Variants in SLC35F4 observed in about 807,000 individuals in gnomAD.
SLC35F4 encodes chromosome 14 open reading frame 36.
In SLC35F4, 24 loss-of-function variants were observed where a neutral mutation model predicts 44.2. That is an observed-to-expected ratio of 0.54 (90% CI 0.39 to 0.76). The LOEUF is 0.76. SLC35F4 is among the 30% of genes least tolerant of loss of function. SLC35F4 has a pLI of 0.00. For missense variants in SLC35F4, 562 were observed against 586.1 expected, an observed-to-expected ratio of 0.96 and a Z score of 0.42; for synonymous variants, 238 against 223.6, an observed-to-expected ratio of 1.06 and a Z score of -0.57.
chr14:57,574,887 T>C (rs2068700328), intron 4 of SLC35F4, among the ~76,000 whole-genome samples: 1 of 152,070 alleles, frequency 6.6e-6, no homozygotes, highest in East Asian at 1.9e-4. Flanking sequence ...AAAGAGGGAT[T>C]AATACTCTGT....
chr14:57,769,677 A>G (rs2077315265), intron 1 of SLC35F4, among the ~76,000 whole-genome samples: 2 of 152,248 alleles, frequency 1.3e-5, no homozygotes, highest in African/African-American at 4.8e-5. Context: ...CAGTGCTAGA[A>G]GAGCCACATC....
chr14:57,656,486 C>T (rs2073978656), intron 1 of SLC35F4, among the ~76,000 whole-genome samples: 2 of 151,822 alleles, frequency 1.3e-5, no homozygotes, highest in South Asian at 4.2e-4. Context: ...AGATTATTTG[C>T]ATGTAAAAAT....
chr14:57,802,100 T>C (rs1198018415), intron 1 of SLC35F4, among the ~76,000 whole-genome samples: 1 of 152,146 alleles, frequency 6.6e-6, no homozygotes, highest in Admixed American at 6.6e-5. Context: ...CCTCAGCAAA[T>C]GCAAAAGAAC....
intron 1 of SLC35F4, among the ~76,000 whole-genome samples, chr14:57,680,001 G>A (rs1275093699): frequency 2.6e-5 from 4 of 152,014 alleles, no homozygotes; most frequent in Non-Finnish European, 5.9e-5. Context: ...GAAAAGGAGG[G>A]AATCCTCCCT....
chr14:57,688,681 A>G (rs569436963), intron 1 of SLC35F4, among the ~76,000 whole-genome samples: 2 of 152,264 alleles, frequency 1.3e-5, no homozygotes, highest in South Asian at 2.1e-4. Context: ...GGTGAGAACA[A>G]TTCTATCTAG....
intron 5 of SLC35F4, among the ~76,000 whole-genome samples, chr14:57,571,518 T>A (rs2068503926): frequency 6.6e-6 from 1 of 152,236 alleles, no homozygotes; most frequent in Admixed American, 6.5e-5. Flanking sequence ...GCCTTTCTAA[T>A]GTTCCTGCTA....
chr14:57,873,999 A>G (rs115737356), intron 1 of SLC35F4, among the ~76,000 whole-genome samples: 243 of 152,328 alleles, frequency 1.6e-3, no homozygotes, highest in African/African-American at 5.6e-3. Flanking sequence ...GTAAAATCTC[A>G]AAGTAGCCCT....
intron 1 of SLC35F4, among the ~76,000 whole-genome samples, chr14:57,963,033 C>T (rs1001392517): frequency 2.6e-5 from 4 of 152,086 alleles, no homozygotes; most frequent in Non-Finnish European, 5.9e-5. Flanking sequence ...ACCAGGGTAA[C>T]CCAGGTTGCA....
chr14:57,645,829 T>C (rs1184405821), intron 1 of SLC35F4, among the ~76,000 whole-genome samples: 2 of 151,652 alleles, frequency 1.3e-5, no homozygotes, highest in Non-Finnish European at 2.9e-5. Context: ...GTTTTTAGCA[T>C]GAAGGGCAGT....
At chr14:57,798,002 G>A (rs981411906) in intron 1 of SLC35F4, among the ~76,000 whole-genome samples, 6 of 151,148 alleles carry the variant, frequency 4.0e-5, no homozygotes, top group Non-Finnish European at 8.8e-5. Flanking sequence ...ACAATAGGTC[G>A]TCACTCATCA....
At chr14:57,892,371 C>T (rs993014180) in intron 1 of SLC35F4, among the ~76,000 whole-genome samples, 2 of 152,190 alleles carry the variant, frequency 1.3e-5, no homozygotes, top group Non-Finnish European at 2.9e-5. Context: ...ATCCTTTCCA[C>T]ATTGTCTCCC....
chr14:57,768,972 C>G (rs1381171927), intron 1 of SLC35F4, among the ~76,000 whole-genome samples: 4 of 152,126 alleles, frequency 2.6e-5, no homozygotes. Context: ...AGGCTGGTCT[C>G]AAACTCCCAA....
upstream of SLC35F4, among the ~76,000 whole-genome samples, chr14:57,869,216 A>G (rs550121830): frequency 5.3e-5 from 8 of 152,100 alleles, no homozygotes; most frequent in South Asian, 1.7e-3. Flanking sequence ...TTTTTTAAAA[A>G]AAGCCAAATC....
intron 1 of SLC35F4, among the ~76,000 whole-genome samples, chr14:57,854,312 T>C (rs1449105892): frequency 6.6e-6 from 1 of 152,150 alleles, no homozygotes; most frequent in African/African-American, 2.4e-5. Flanking sequence ...TTAAATGCTT[T>C]ATAATTTTTA....
At chr14:57,584,972 T>A (rs2069584751) in intron 3 of SLC35F4, among the ~76,000 whole-genome samples, 1 of 152,196 alleles carries the variant, frequency 6.6e-6, no homozygotes, top group Non-Finnish European at 1.5e-5. Context: ...TGTTTAAAAA[T>A]TTTACAATGC....
At chr14:57,801,133 C>T (rs557451157) in intron 1 of SLC35F4, among the ~76,000 whole-genome samples, 25 of 152,312 alleles carry the variant, frequency 1.6e-4, no homozygotes, top group African/African-American at 6.0e-4. Context: ...GGGCCACCTA[C>T]AAAGGGAAAC....
chr14:57,669,984 A>G (rs543106074), intron 1 of SLC35F4, among the ~76,000 whole-genome samples: 4 of 152,142 alleles, frequency 2.6e-5, no homozygotes. Context: ...TTGGTAAGCT[A>G]TTAATTATTG....
At position 57,665,127 on chromosome 14, in the gene SLC35F4, C is replaced by T. The variant is rs796736403; in HGVS notation, c.104-71003G>A. On this transcript the variant is annotated intron_variant, in intron 1 of 7. Coordinates refer to ENST00000556826, the MANE Select transcript of SLC35F4 (RefSeq NM_001306087.2). ...CATATTTTCAAACATCAACCGCCCTCCCGCCCACCACCACCCCGCACACAC... is the reference window on the plus strand; with the variant it reads ...CATATTTTCAAACATCAACCGCCCTTCCGCCCACCACCACCCCGCACACAC... Among the ~76,000 whole-genome samples the T allele has an allele frequency of 5.4e-5, 8 of 148,644 alleles. 1 individual carries two copies. Among genetic ancestry groups the T allele is most frequent in the African/African-American group, 1.5e-4 (6 of 40,880 alleles).
chr14:57,927,657 A>T (rs1028541943), intron 1 of SLC35F4, among the ~76,000 whole-genome samples: 6 of 151,580 alleles, frequency 4.0e-5, no homozygotes, highest in Admixed American at 6.6e-5. Flanking sequence ...CATCCAGCTA[A>T]TTTTTGTGTT....
Sources: gnomAD v4.1 joint callset for allele counts (sites outside exome capture counted in the v4.1 genomes callset) on GRCh38, gnomAD v4.1.1 for gene constraint, MANE v1.5 for transcripts, NCBI Gene and HGNC (gene_info 2026-07-23, HGNC 2026-07-21) for gene names.